Variants in GRM7 observed in about 807,000 individuals in gnomAD.
GRM7 encodes the protein glutamate metabotropic receptor 7.
Under a neutral mutation model 84.5 loss-of-function variants are expected in GRM7, and 35 were observed. The observed-to-expected ratio is 0.41, with a 90% CI of 0.32 to 0.55. The LOEUF (loss-of-function observed/expected upper bound fraction) is 0.55. GRM7 is among the 20% of genes least tolerant of loss of function. GRM7 has a pLI of 0.19. For missense variants in GRM7, 1,003 were observed against 1,194.6 expected (o/e 0.84, Z 2.36); for synonymous variants, 487 against 455.1 (o/e 1.07, Z -0.89).
At position 6,882,839 on chromosome 3, in the gene GRM7, A is replaced by G. The variant is rs140094810; in HGVS notation, c.519+20932A>G. 2.4e-3 allele frequency among the ~76,000 whole-genome samples: 372 copies of G among 152,322 alleles called. 1 individual carries two copies. The highest frequency in any genetic ancestry group is 8.3e-3 in the African/African-American group (344 of 41,564). ...CGTAGCCAGTTTCCTGCCACTCAAA[A>G]TTTAGGTTTACCTCTCTCTTTTCTT... is the stretch of plus-strand genomic sequence containing the variant. On this transcript the variant is annotated intron_variant, in intron 1 of 9. Transcript: ENST00000357716.
At chr3:7,071,502 T>A (rs911847382) in intron 1 of GRM7, among the ~76,000 whole-genome samples, 1 of 152,026 alleles carries the variant, frequency 6.6e-6, no homozygotes, top group African/African-American at 2.4e-5. Context: ...TTCTCCTCAC[T>A]GTTGGCATGC....
At chr3:7,337,443 CA>C (rs2125073797) in intron 4 of GRM7, among the ~76,000 whole-genome samples, 1 of 152,160 alleles carries the variant, frequency 6.6e-6, no homozygotes, top group East Asian at 1.9e-4. Flanking sequence ...AGCTTCTACA[CA>C]GCAAAAGAAA....
At chr3:7,692,926 C>CA (rs1700861578) in intron 9 of GRM7, among the ~76,000 whole-genome samples, 1 of 151,312 alleles carries the variant, frequency 6.6e-6, no homozygotes. Context: ...AGGAGGGAAA[C>CA]ATAATCTAAC....
At chr3:7,716,325 C>A (rs1458703141) in intron 9 of GRM7, among the ~76,000 whole-genome samples, 1 of 152,194 alleles carries the variant, frequency 6.6e-6, no homozygotes, top group East Asian at 1.9e-4. Context: ...TGTTCCACAA[C>A]CTAAGGGCTG....
At chr3:7,355,034 A>G (rs1693332085) in intron 4 of GRM7, among the ~76,000 whole-genome samples, 1 of 152,144 alleles carries the variant, frequency 6.6e-6, no homozygotes, top group Admixed American at 6.6e-5. Context: ...CCTAGTGAGT[A>G]AGAAGTAGCA....
At chr3:6,924,028 T>C (rs1697217123) in intron 1 of GRM7, among the ~76,000 whole-genome samples, 1 of 152,220 alleles carries the variant, frequency 6.6e-6, no homozygotes, top group African/African-American at 2.4e-5. Flanking sequence ...TCTAACTTTT[T>C]AGATTTGCTA....
chr3:7,710,429 C>T (rs1701542176), intron 9 of GRM7, among the ~76,000 whole-genome samples: 1 of 152,136 alleles, frequency 6.6e-6, no homozygotes, highest in Non-Finnish European at 1.5e-5. Flanking sequence ...CAGTCATTTT[C>T]ATTATAGGTA....
chr3:7,199,176 T>G (rs1695980863), intron 2 of GRM7, among the ~76,000 whole-genome samples: 2 of 152,204 alleles, frequency 1.3e-5, no homozygotes, highest in South Asian at 4.1e-4. Flanking sequence ...TATTTCCAGG[T>G]CTAGCCATTA....
At chr3:7,120,656 A>G (rs1374819537) in intron 1 of GRM7, among the ~76,000 whole-genome samples, 2 of 152,174 alleles carry the variant, frequency 1.3e-5, no homozygotes, top group Non-Finnish European at 2.9e-5. Flanking sequence ...ATTTAAAATA[A>G]CAAATGTGGA....
At chr3:6,968,405 A>T (rs1161708819) in intron 1 of GRM7, among the ~76,000 whole-genome samples, 2 of 152,172 alleles carry the variant, frequency 1.3e-5, no homozygotes, top group African/African-American at 4.8e-5. Flanking sequence ...GTATTCTGAG[A>T]TATTGGTGGT....
chr3:7,310,388 A>G (rs953567416), intron 4 of GRM7, among the ~76,000 whole-genome samples: 5 of 152,204 alleles, frequency 3.3e-5, no homozygotes, highest in African/African-American at 1.2e-4. Flanking sequence ...ATTTTTACTT[A>G]TGATTTGAAT....
At chr3:7,415,228 G>C in intron 5 of GRM7, 65 bp downstream of exon 5, 17 of 1,332,728 alleles carry the variant, frequency 1.3e-5, no homozygotes, top group Non-Finnish European at 1.4e-5. Context: ...TGTCTGCATA[G>C]CTGACAGAAG....
chr3:7,100,293 T>G (rs1699065810), intron 1 of GRM7, among the ~76,000 whole-genome samples: 1 of 151,672 alleles, frequency 6.6e-6, no homozygotes, highest in Non-Finnish European at 1.5e-5. Context: ...TACTTGGTAA[T>G]GTAGGATTGT....
At chr3:7,409,476 A>G (rs555618641) in intron 4 of GRM7, among the ~76,000 whole-genome samples, 76 of 151,762 alleles carry the variant, frequency 5.0e-4, no homozygotes, top group African/African-American at 1.7e-3. Flanking sequence ...GCTCTTTTTC[A>G]CTGTGTCTCT....
intron 1 of GRM7, among the ~76,000 whole-genome samples, chr3:7,010,994 A>G (rs1234243664): frequency 6.6e-6 from 1 of 152,214 alleles, no homozygotes; most frequent in Non-Finnish European, 1.5e-5. Flanking sequence ...AACTAGCTTG[A>G]GAAACAGTGC....
chr3:6,964,367 G>A (rs1351147766), intron 1 of GRM7, among the ~76,000 whole-genome samples: 1 of 152,068 alleles, frequency 6.6e-6, no homozygotes, highest in Non-Finnish European at 1.5e-5. Flanking sequence ...AGTTAGTTAG[G>A]GAGCTCTCTG....
intron 9 of GRM7, chr3:7,686,223 A>G (rs1700577598): frequency 3.8e-6 from 2 of 523,686 alleles, no homozygotes; most frequent in Admixed American, 3.1e-5. Flanking sequence ...AGGATATTGA[A>G]CCCACCAAAA....
At chr3:7,416,907 T>C (rs1696184118) in intron 5 of GRM7, among the ~76,000 whole-genome samples, 1 of 152,088 alleles carries the variant, frequency 6.6e-6, no homozygotes, top group Admixed American at 6.6e-5. Context: ...ATGTAGATGA[T>C]TGAAGACAGT....
intron 1 of GRM7, among the ~76,000 whole-genome samples, chr3:7,024,400 A>G (rs540603409): frequency 6.6e-6 from 1 of 152,372 alleles, no homozygotes; most frequent in African/African-American, 2.4e-5. Flanking sequence ...AAGCAAATGG[A>G]TGACGTGCAC....
Sources: allele counts gnomAD v4.1 joint callset (sites outside exome capture counted in the v4.1 genomes callset), GRCh38; gene constraint gnomAD v4.1.1; transcripts MANE v1.5; gene names NCBI Gene and HGNC (gene_info 2026-07-23, HGNC 2026-07-21).